SPOPL: variants seen among roughly 807,000 people sequenced by gnomAD.
SPOPL encodes speckle-type POZ protein-like.
A neutral mutation model predicts 53.8 loss-of-function variants in SPOPL; 23 were observed. That is an observed-to-expected ratio of 0.43 (90% confidence interval 0.31 to 0.61). The LOEUF (loss-of-function observed/expected upper bound fraction) is 0.61. Among genes scored for constraint, SPOPL ranks in the 20% least tolerant of loss-of-function variants. The pLI is 0.12. For synonymous variants in SPOPL, 164 were observed against 149.7 expected (o/e 1.10, Z -0.70); for missense variants, 442 against 466.9 (o/e 0.95, Z 0.49).
intron 1 of SPOPL, among the ~76,000 whole-genome samples, chr2:138,529,530 GTGTGTTT>G (rs1558867544): frequency 2.8e-5 from 4 of 140,714 alleles, no homozygotes; most frequent in African/African-American, 1.0e-4. Context: ...GTGTGTGTGT[GTGTGTTT>G]GCGTGCGCGC....
intron 7 of SPOPL, among the ~76,000 whole-genome samples, chr2:138,559,753 A>T (rs919564862): frequency 2.0e-5 from 3 of 152,186 alleles, no homozygotes; most frequent in Admixed American, 1.3e-4. Context: ...ACCAACTGTA[A>T]TCAGGATGTT....
chr2:138,523,852 C>T (rs1303563575), intron 1 of SPOPL, among the ~76,000 whole-genome samples: 2 of 152,218 alleles, frequency 1.3e-5, no homozygotes, highest in African/African-American at 2.4e-5. Flanking sequence ...TGACTGCTTT[C>T]ACAGGCTGTT....
Position 138,520,490 on chromosome 2 carries a change from G to C in SPOPL, c.-61+18371G>C, listed in dbSNP as rs1684533280. ...CTATTTGTAATTTTTACCAAAAAAG[G>C]CATGGTCAGGTTTTGCTATTTTGTT... is the stretch of plus-strand genomic sequence containing the variant. On this transcript the variant is annotated intron_variant, in intron 1 of 10. Transcript: ENST00000280098. 2.0e-5 allele frequency among the ~76,000 whole-genome samples: 3 copies of C among 152,282 alleles called. 1 individual carries two copies. Among genetic ancestry groups the C allele is most frequent in the Admixed American group, 1.3e-4 (2 of 15,300 alleles).
chr2:138,533,204 A>G (rs1684849809), intron 1 of SPOPL, among the ~76,000 whole-genome samples: 2 of 152,342 alleles, frequency 1.3e-5, no homozygotes, highest in African/African-American at 4.8e-5. Flanking sequence ...ATAAGATCAC[A>G]GAATTCATGG....
chr2:138,509,818 T>C (rs1430712269), intron 1 of SPOPL, among the ~76,000 whole-genome samples: 1 of 152,174 alleles, frequency 6.6e-6, no homozygotes, highest in Non-Finnish European at 1.5e-5. Context: ...TGGTATTGTA[T>C]AGTATATTCT....
chr2:138,553,281 A>T (rs918194258), intron 5 of SPOPL, among the ~76,000 whole-genome samples: 1 of 152,112 alleles, frequency 6.6e-6, no homozygotes, highest in African/African-American at 2.4e-5. Flanking sequence ...ATGTACACTT[A>T]TGATTTGTCC....
intron 1 of SPOPL, among the ~76,000 whole-genome samples, chr2:138,532,870 T>G: frequency 6.6e-6 from 1 of 152,190 alleles, no homozygotes. Flanking sequence ...TTAAACATAC[T>G]TATTTTTATT....
chr2:138,511,055 G>A (rs1558860520), intron 1 of SPOPL, among the ~76,000 whole-genome samples: 1 of 152,150 alleles, frequency 6.6e-6, no homozygotes, highest in Non-Finnish European at 1.5e-5. Context: ...TGCATTTAAA[G>A]TGCAACCTTT....
At chr2:138,555,762 C>T (rs1045809107) in intron 5 of SPOPL, among the ~76,000 whole-genome samples, 3 of 152,146 alleles carry the variant, frequency 2.0e-5, no homozygotes, top group African/African-American at 7.2e-5. Context: ...CTCAAATGTT[C>T]CTTGTCTGTC....
intron 4 of SPOPL, among the ~76,000 whole-genome samples, chr2:138,551,403 A>G (rs1685311210): frequency 6.6e-6 from 1 of 151,948 alleles, no homozygotes; most frequent in Non-Finnish European, 1.5e-5. Flanking sequence ...TTTTTTTGCC[A>G]GGTAATAAAA....
At position 138,572,668 on chromosome 2, in the gene SPOPL, T is replaced by TTATAAAGACAGC. The variant is rs200734615; in HGVS notation, c.*3601_*3612dup. ...GTGGGTTCGTTTTAGTGTTCTCAGA[T>TTATAAAGACAGC]TATAAAGACAGCTATAAAGACAGCA... On this transcript the variant is annotated 3_prime_UTR_variant, in exon 11 of 11. Coordinates refer to ENST00000280098, the MANE Select transcript of SPOPL (RefSeq NM_001001664.3). 1 of 152,690 alleles carries TTATAAAGACAGC rather than the reference T, an allele frequency of 6.5e-6. No individual in the cohort carries two copies. Among genetic ancestry groups the TTATAAAGACAGC allele is most frequent in the East Asian group, 1.9e-4 (1 of 5,182 alleles). 9.5% of individuals were successfully genotyped at this position (152,690 alleles called of 1,614,324 possible).
chr2:138,502,543 CATACCTCCTCATCCCAA>C (rs918116122), intron 1 of SPOPL, among the ~76,000 whole-genome samples: 1 of 152,214 alleles, frequency 6.6e-6, no homozygotes, highest in African/African-American at 2.4e-5. Context: ...CGTCCACTTT[CATACCTCCTCATCCCAA>C]ATACAGACAC....
At chr2:138,513,436 C>G (rs1487283046) in intron 1 of SPOPL, among the ~76,000 whole-genome samples, 1 of 152,100 alleles carries the variant, frequency 6.6e-6, no homozygotes, top group Non-Finnish European at 1.5e-5. Flanking sequence ...ACCTGTAATC[C>G]CAGCTACTCG....
chr2:138,514,906 G>A (rs548583755), intron 1 of SPOPL, among the ~76,000 whole-genome samples: 2 of 152,168 alleles, frequency 1.3e-5, no homozygotes, highest in Non-Finnish European at 2.9e-5. Flanking sequence ...TCTGGTGGGT[G>A]TAACATGGTA....
intron 1 of SPOPL, among the ~76,000 whole-genome samples, chr2:138,520,796 A>G (rs1371631364): frequency 6.6e-6 from 1 of 152,146 alleles, no homozygotes; most frequent in Non-Finnish European, 1.5e-5. Context: ...GTAGTTTACT[A>G]CCCTGTTTAT....
intron 8 of SPOPL, among the ~76,000 whole-genome samples, chr2:138,563,237 G>T (rs1353044565): frequency 6.6e-6 from 1 of 152,186 alleles, no homozygotes; most frequent in Non-Finnish European, 1.5e-5. Flanking sequence ...CAACACGTTA[G>T]GAGGCCTGGG....
At chr2:138,525,288 A>G (rs1262292646) in intron 1 of SPOPL, among the ~76,000 whole-genome samples, 1 of 152,128 alleles carries the variant, frequency 6.6e-6, no homozygotes, top group African/African-American at 2.4e-5. Context: ...TGAGAACAGC[A>G]TGGGAAAGAC....
At chr2:138,550,431 A>G in intron 2 of SPOPL, 52 bp from the exon 3 acceptor site, 1 of 1,593,330 alleles carries the variant, frequency 6.3e-7, no homozygotes, top group South Asian at 1.1e-5. Flanking sequence ...ACATGTAACA[A>G]GTTAAAAGTA....
intron 5 of SPOPL, chr2:138,554,627 G>A: frequency 1.5e-6 from 1 of 684,722 alleles, no homozygotes; most frequent in South Asian, 2.8e-5. Context: ...GATAGAGATT[G>A]GTAGCAGTGT....
Sources: gnomAD v4.1 joint callset for allele counts (sites outside exome capture counted in the v4.1 genomes callset) on GRCh38, gnomAD v4.1.1 for gene constraint, MANE v1.5 for transcripts, NCBI Gene and HGNC (gene_info 2026-07-23, HGNC 2026-07-21) for gene names.